The following CYTH3 variants were observed in gnomAD, a reference collection of about 807,000 sequenced individuals.
CYTH3 encodes the protein cytohesin-3.
CYTH3 carries 23 observed loss-of-function variants against 55.1 expected under a neutral mutation model. The ratio of observed to expected loss-of-function variants is 0.42; its 90% CI spans 0.30 to 0.59. The LOEUF is 0.59. CYTH3 is among the 20% of genes least tolerant of loss of function. The pLI, the probability that CYTH3 is intolerant of heterozygous loss-of-function variation, is 0.20. For missense variants in CYTH3, 413 were observed against 524.8 expected (o/e 0.79, Z 2.08); for synonymous variants, 249 against 194.9 (o/e 1.28, Z -2.31).
intron 4 of CYTH3, among the ~76,000 whole-genome samples, chr7:6,180,261 C>T (rs899947983): frequency 3.9e-5 from 6 of 152,234 alleles, no homozygotes; most frequent in African/African-American, 1.4e-4. Context: ...GGCTCCCATG[C>T]CTTCCTCTGG....
chr7:6,258,255 A>G (rs1780182497), intron 1 of CYTH3, among the ~76,000 whole-genome samples: 2 of 151,724 alleles, frequency 1.3e-5, no homozygotes, highest in African/African-American at 4.8e-5. Flanking sequence ...TGAGACCGCA[A>G]AGAGCCATGA....
Position 6,169,793 on chromosome 7 carries a change from A to G in CYTH3, c.823+742T>C, listed in dbSNP as rs2128536979. 6.6e-6 allele frequency among the ~76,000 whole-genome samples: 1 copy of G among 152,248 alleles called. No individual in the cohort carries two copies. Among genetic ancestry groups the G allele is most frequent in the African/African-American group, 2.4e-5 (1 of 41,548 alleles). ...TGGGGTGGAGGGTGACGCCGCAGGG[A>G]CAGGGCTGGCTGTCTGCTTCTCTAC... On this transcript the variant is annotated intron_variant, in intron 9 of 12. Coordinates refer to ENST00000350796, the MANE Select transcript of CYTH3 (RefSeq NM_004227.4). This position sits in a 1 kb window ranked among gnomAD's most constrained non-coding sequence, Gnocchi z 4.1.
chr7:6,259,793 ATATATATAT>A (rs1780275454), intron 1 of CYTH3, among the ~76,000 whole-genome samples: 1 of 14,110 alleles, frequency 7.1e-5, no homozygotes, highest in African/African-American at 1.5e-3. Context: ...TAATATATAT[ATATATATAT>A]ATATATATAT....
intron 1 of CYTH3, among the ~76,000 whole-genome samples, chr7:6,204,642 T>C (rs1439656818): frequency 6.6e-6 from 1 of 152,216 alleles, no homozygotes; most frequent in Non-Finnish European, 1.5e-5. Context: ...ACCTCCATGG[T>C]TGCAGGAGTT....
At chr7:6,272,201 C>T (rs1780681266) in intron 1 of CYTH3, among the ~76,000 whole-genome samples, 1 of 152,112 alleles carries the variant, frequency 6.6e-6, no homozygotes, top group Non-Finnish European at 1.5e-5. Flanking sequence ...CGGCCCGAGA[C>T]TCCGGGGCGA....
intron 1 of CYTH3, among the ~76,000 whole-genome samples, chr7:6,223,627 G>A (rs1779151263): frequency 6.6e-6 from 1 of 152,044 alleles, no homozygotes; most frequent in Non-Finnish European, 1.5e-5. Context: ...ACAGATGCTA[G>A]AAGGCAGCAT....
chr7:6,170,187 C>T lies in CYTH3; in HGVS notation c.823+348G>A. On this transcript the variant is annotated intron_variant, in intron 9 of 12. Coordinates refer to ENST00000350796, the MANE Select transcript of CYTH3 (RefSeq NM_004227.4). The surrounding 1 kb of genome is among the most constrained non-coding windows in gnomAD (Gnocchi z 7.8). ...CATTTAAACCACGCGTCAAAAATCACAGCCACACCAAACCGAGAGAGGCAC... is the reference window on the plus strand; with the variant it reads ...CATTTAAACCACGCGTCAAAAATCATAGCCACACCAAACCGAGAGAGGCAC... The T allele has an allele frequency of 3.9e-6, 1 of 258,856 alleles. No homozygotes were observed. Among genetic ancestry groups the T allele is most frequent in the Non-Finnish European group, 7.4e-6 (1 of 135,458 alleles). The allele number at this position is 258,856 out of a possible 1,614,324, so 16.0% of individuals were successfully genotyped here.
rs1345393151 is a variant in CYTH3 at position 6,266,630 on chromosome 7, T to C, written c.34+5844A>G. ...GAATACTCAGCTCTTGCCAGCTCCA[T>C]GCCTTCCCTTCTGTCTGGTCCACTA... On this transcript the variant is annotated intron_variant, in intron 1 of 12. Transcript: ENST00000350796. Among the ~76,000 whole-genome samples the C allele has an allele frequency of 2.0e-5, 3 of 152,190 alleles. No individual in the cohort carries two copies. In the East Asian group the frequency reaches 5.8e-4, roughly 29 times the overall value.
At chr7:6,190,180 G>C (rs1783764336) in intron 2 of CYTH3, among the ~76,000 whole-genome samples, 1 of 152,194 alleles carries the variant, frequency 6.6e-6, no homozygotes, top group South Asian at 2.1e-4. Flanking sequence ...TTGCGAGCTG[G>C]CTACTGCTGA....
chr7:6,172,809 A>G (rs1461858264), intron 6 of CYTH3: 3 of 1,282,326 alleles, frequency 2.3e-6, no homozygotes, highest in South Asian at 1.2e-5. Context: ...CAGGATTCTT[A>G]TATGTTGCGA....
intron 1 of CYTH3, among the ~76,000 whole-genome samples, chr7:6,208,534 G>A (rs1034232193): frequency 1.4e-5 from 2 of 146,788 alleles, no homozygotes; most frequent in African/African-American, 5.5e-5. Context: ...ATTCATTCTA[G>A]CTCATTTTCT....
intron 5 of CYTH3, 145 bp from the exon 6 acceptor site, chr7:6,173,878 T>C (rs1783266055): frequency 1.6e-6 from 1 of 630,476 alleles, no homozygotes. Flanking sequence ...GTATTTTTTG[T>C]AGAGGCAGGG....
At chr7:6,231,544 G>A (rs1234251068) in intron 1 of CYTH3, among the ~76,000 whole-genome samples, 1 of 152,096 alleles carries the variant, frequency 6.6e-6, no homozygotes, top group Non-Finnish European at 1.5e-5. Context: ...CACCTCTCAG[G>A]TACACACACA....
At chr7:6,165,172 G>T in intron 12 of CYTH3, 101 bp downstream of exon 12, 5 of 1,553,632 alleles carry the variant, frequency 3.2e-6, no homozygotes, top group Non-Finnish European at 4.4e-6. Context: ...GAGACAGAAG[G>T]TCCACTCTTG....
chr7:6,207,655 CA>C (rs1267059179), intron 1 of CYTH3, among the ~76,000 whole-genome samples: 1 of 149,156 alleles, frequency 6.7e-6, no homozygotes, highest in Admixed American at 6.7e-5. Context: ...TCTCAAAAAA[CA>C]AAACAAAAAA....
At chr7:6,235,332 C>A (rs960355771) in intron 1 of CYTH3, among the ~76,000 whole-genome samples, 19 of 152,130 alleles carry the variant, frequency 1.2e-4, no homozygotes, top group Non-Finnish European at 2.9e-5. Context: ...CAAAAATTAT[C>A]TGGGTGTGGT....
chr7:6,270,711 T>A (rs1583213035), intron 1 of CYTH3, among the ~76,000 whole-genome samples: 1 of 152,324 alleles, frequency 6.6e-6, no homozygotes. Context: ...CACATCTTTA[T>A]ACGTGAGGGG....
intron 4 of CYTH3, among the ~76,000 whole-genome samples, chr7:6,184,231 T>C (rs1783581954): frequency 6.6e-6 from 1 of 151,580 alleles, no homozygotes; most frequent in Middle Eastern, 3.2e-3. Flanking sequence ...CGGCTAATTT[T>C]TTGTATTTTC....
chr7:6,264,128 T>C (rs936558608), intron 1 of CYTH3, among the ~76,000 whole-genome samples: 1 of 151,826 alleles, frequency 6.6e-6, no homozygotes. Flanking sequence ...GCACCTGTAA[T>C]CCCAGCTACT....
Sources: gnomAD v4.1 joint callset for allele counts (sites outside exome capture counted in the v4.1 genomes callset) on GRCh38, gnomAD v4.1.1 for gene constraint, Gnocchi (gnomAD v3.1) non-coding constraint, MANE v1.5 for transcripts, NCBI Gene and HGNC (gene_info 2026-07-23, HGNC 2026-07-21) for gene names.